Variants in C8orf34 observed in about 807,000 individuals in gnomAD.
C8orf34 encodes uncharacterized protein C8orf34.
Under a neutral mutation model 68.3 loss-of-function variants are expected in C8orf34, and 65 were observed. The observed-to-expected ratio is 0.95, with a 90% CI of 0.78 to 1.17. C8orf34 has a LOEUF of 1.17. C8orf34 is among the 50% of genes most tolerant of loss of function. The probability of loss-of-function intolerance (pLI) is 0.00; values close to 1 mark genes in which losing one functional copy is unlikely to be tolerated. For synonymous variants in C8orf34, 244 were observed against 241.2 expected (o/e 1.01, Z -0.11); for missense variants, 664 against 655.4 (o/e 1.01, Z -0.14).
intron 7 of C8orf34, among the ~76,000 whole-genome samples, chr8:68,636,521 G>A (rs1431336382): frequency 6.6e-6 from 1 of 151,976 alleles, no homozygotes; most frequent in Non-Finnish European, 1.5e-5. Flanking sequence ...GGAGGAGGAG[G>A]TTGCAGTGAG....
At position 68,722,506 on chromosome 8, in the gene C8orf34, C is replaced by G. The variant is rs557244794; in HGVS notation, c.1404+1069C>G. Among the ~76,000 whole-genome samples, 33 of 152,148 alleles carry G rather than the reference C, an allele frequency of 2.2e-4. No individual in the cohort carries two copies. The South Asian group carries it at 6.6e-3, about 31-fold the overall frequency. On this transcript the variant is annotated intron_variant, in intron 10 of 13. Coordinates refer to ENST00000518698, the MANE Select transcript of C8orf34 (RefSeq NM_052958.4). Reference sequence around the variant, plus strand: ...AAAAGGCACCAAGTTTTCCAATGAACTTCATAATAAAATTAATTTTTAAAA... The same window carrying G: ...AAAAGGCACCAAGTTTTCCAATGAAGTTCATAATAAAATTAATTTTTAAAA...
chr8:68,563,488 A>T (rs1298986590), intron 7 of C8orf34, among the ~76,000 whole-genome samples: 1 of 152,148 alleles, frequency 6.6e-6, no homozygotes, highest in Non-Finnish European at 1.5e-5. Context: ...TAAAATAAAA[A>T]CACAACTTTT....
At chr8:68,511,399 G>C (rs1313135406) in intron 5 of C8orf34, among the ~76,000 whole-genome samples, 3 of 152,120 alleles carry the variant, frequency 2.0e-5, no homozygotes, top group African/African-American at 7.2e-5. Flanking sequence ...ATTTTAAAGA[G>C]AGCAGGGGTA....
chr8:68,570,488 T>G (rs1020133587), intron 7 of C8orf34, among the ~76,000 whole-genome samples: 1 of 152,200 alleles, frequency 6.6e-6, no homozygotes, highest in Non-Finnish European at 1.5e-5. Context: ...AATAAAACAT[T>G]GTAAACCAAT....
At chr8:68,429,741 G>A (rs1586124000) in intron 1 of C8orf34, among the ~76,000 whole-genome samples, 1 of 152,336 alleles carries the variant, frequency 6.6e-6, no homozygotes, top group Admixed American at 6.5e-5. Flanking sequence ...GGGCAAATAT[G>A]GAGTAATGAG....
intron 7 of C8orf34, among the ~76,000 whole-genome samples, chr8:68,605,050 C>G (rs917284063): frequency 6.6e-6 from 1 of 152,056 alleles, no homozygotes; most frequent in African/African-American, 2.4e-5. Context: ...GACCAAAGAT[C>G]TTAACAGATA....
chr8:68,612,564 A>T (rs1005626589), intron 7 of C8orf34, among the ~76,000 whole-genome samples: 1 of 152,126 alleles, frequency 6.6e-6, no homozygotes, highest in Non-Finnish European at 1.5e-5. Flanking sequence ...ATATCACTTT[A>T]CTCATCCAAT....
At chr8:68,533,305 G>A (rs1002808437) in intron 7 of C8orf34, 156 bp downstream of exon 7, 1 of 1,373,688 alleles carries the variant, frequency 7.3e-7, no homozygotes, top group East Asian at 2.7e-5. Context: ...ACATAAAGTT[G>A]CATGTAAGAA....
chr8:68,538,384 A>G (rs892092685), intron 7 of C8orf34, among the ~76,000 whole-genome samples: 43 of 152,050 alleles, frequency 2.8e-4, no homozygotes, highest in Non-Finnish European at 4.9e-4. Context: ...AATTAATTGT[A>G]AAGTGCTGGT....
At chr8:68,704,957 C>G (rs1226828623) in intron 8 of C8orf34, among the ~76,000 whole-genome samples, 2 of 152,088 alleles carry the variant, frequency 1.3e-5, no homozygotes, top group Non-Finnish European at 2.9e-5. Flanking sequence ...CTAAGTATGG[C>G]TGTCTGTAAG....
At chr8:68,815,065 T>C (rs1446002322) in intron 12 of C8orf34, among the ~76,000 whole-genome samples, 1 of 152,164 alleles carries the variant, frequency 6.6e-6, no homozygotes, top group Non-Finnish European at 1.5e-5. Flanking sequence ...AGGGCTAGTG[T>C]TCCAAGAGAT....
chr8:68,452,579 A>T (rs149104510), intron 3 of C8orf34, among the ~76,000 whole-genome samples: 322 of 150,916 alleles, frequency 2.1e-3, no homozygotes, highest in African/African-American at 7.0e-3. Flanking sequence ...TGGAAAAATG[A>T]CTATTCATAC....
chr8:68,395,359 TCTCACACA>T (rs1298322638), intron 1 of C8orf34, among the ~76,000 whole-genome samples: 1 of 8,936 alleles, frequency 1.1e-4, no homozygotes, highest in Non-Finnish European at 3.1e-4. Context: ...TCTGTGTGTC[TCTCACACA>T]CACACACACA....
intron 9 of C8orf34, among the ~76,000 whole-genome samples, chr8:68,717,856 ATAATGG>A: frequency 6.6e-6 from 1 of 152,198 alleles, no homozygotes. Flanking sequence ...CAAATCTATT[ATAATGG>A]TGATGACATG....
At chr8:68,579,279 T>C (rs1816994110) in intron 7 of C8orf34, among the ~76,000 whole-genome samples, 1 of 152,168 alleles carries the variant, frequency 6.6e-6, no homozygotes, top group Non-Finnish European at 1.5e-5. Flanking sequence ...AAATAATTGA[T>C]GGAGCAGAAT....
intron 1 of C8orf34, among the ~76,000 whole-genome samples, chr8:68,346,883 A>T (rs1394542772): frequency 1.3e-5 from 2 of 152,104 alleles, no homozygotes. Context: ...AAGTTTTGGC[A>T]GTTATAAATA....
intron 8 of C8orf34, among the ~76,000 whole-genome samples, chr8:68,699,709 C>T (rs1820933854): frequency 6.6e-6 from 1 of 152,028 alleles, no homozygotes; most frequent in Non-Finnish European, 1.5e-5. Flanking sequence ...ATCTATTCTC[C>T]AAGTGTTCTT....
intron 1 of C8orf34, among the ~76,000 whole-genome samples, chr8:68,437,749 A>C (rs1427656780): frequency 6.6e-6 from 1 of 152,166 alleles, no homozygotes; most frequent in Non-Finnish European, 1.5e-5. Flanking sequence ...ACACTTGTCT[A>C]ATAAATATCT....
intron 3 of C8orf34, among the ~76,000 whole-genome samples, chr8:68,458,849 C>T (rs1811662237): frequency 6.6e-6 from 1 of 152,230 alleles, no homozygotes; most frequent in Non-Finnish European, 1.5e-5. Flanking sequence ...AACCAAGAAG[C>T]TCAGATGAGG....
Sources: gnomAD v4.1 joint callset for allele counts (sites outside exome capture counted in the v4.1 genomes callset) on GRCh38, gnomAD v4.1.1 for gene constraint, MANE v1.5 for transcripts, NCBI Gene and HGNC (gene_info 2026-07-23, HGNC 2026-07-21) for gene names.